Variants in LINGO2 observed in about 807,000 individuals in gnomAD.
LINGO2 encodes leucine-rich repeat and immunoglobulin-like domain-containing nogo receptor-interacting protein 2.
Under a neutral mutation model 30.6 loss-of-function variants are expected in LINGO2, and 14 were observed. The observed-to-expected ratio is 0.46, with a 90% confidence interval of 0.30 to 0.72. LINGO2 has a LOEUF of 0.72. LINGO2 is among the 30% of genes least tolerant of loss of function. The pLI, the probability that LINGO2 is intolerant of heterozygous loss-of-function variation, is 0.07. For missense variants in LINGO2, 729 were observed against 751.7 expected (o/e 0.97, Z 0.35); for synonymous variants, 317 against 288.5 (o/e 1.10, Z -1.00).
intron 2 of LINGO2, among the ~76,000 whole-genome samples, chr9:28,462,062 G>A (rs943710479): frequency 6.6e-5 from 10 of 151,964 alleles, no homozygotes; most frequent in African/African-American, 2.2e-4. Flanking sequence ...CTAATGTTAT[G>A]TCTTATCTCA....
At chr9:28,296,731 T>C (rs1041327167) in intron 3 of LINGO2, among the ~76,000 whole-genome samples, 3 of 152,170 alleles carry the variant, frequency 2.0e-5, no homozygotes, top group Non-Finnish European at 4.4e-5. Context: ...ATGACAATAC[T>C]GCAATTCAAA....
At position 28,270,224 on chromosome 9, in the gene LINGO2, G is replaced by A. The variant is rs10968425; in HGVS notation, c.-87+24984C>T. On this transcript the variant is annotated intron_variant, in intron 4 of 5. Transcript: ENST00000379992. ...AAGCATTTTATTTGAATACCAAAGA[G>A]CCCTTTCCCCTTCAGTCAGCCTGTG... Among the ~76,000 whole-genome samples the A allele has an allele frequency of 0.016, 2,405 of 152,112 alleles. 134 individuals are homozygous for A. In the East Asian group the frequency reaches 0.18, roughly 11 times the overall value.
intron 4 of LINGO2, among the ~76,000 whole-genome samples, chr9:28,044,731 T>A (rs1294832198): frequency 3.3e-5 from 5 of 151,910 alleles, no homozygotes; most frequent in Non-Finnish European, 7.4e-5. Context: ...AAGTCCAAAC[T>A]GGAAGGGAAG....
chr9:28,307,643 C>T (rs1015411585), intron 3 of LINGO2, among the ~76,000 whole-genome samples: 1 of 152,042 alleles, frequency 6.6e-6, no homozygotes, highest in Non-Finnish European at 1.5e-5. Context: ...TCAAATTGTC[C>T]CTGTTTGCAG....
At chr9:28,491,048 C>T (rs977106747) in intron 1 of LINGO2, among the ~76,000 whole-genome samples, 1 of 152,166 alleles carries the variant, frequency 6.6e-6, no homozygotes, top group Non-Finnish European at 1.5e-5. Context: ...CAGTGGTTAA[C>T]TTTGGAAAAG....
rs531625449 is a variant in LINGO2 at position 28,476,219 on chromosome 9, T to C, written c.-364-194A>G. On this transcript the variant is annotated intron_variant, in intron 1 of 5. Transcript: ENST00000379992. The stretch of plus-strand genomic sequence containing the variant: ...CATTTTGAAGTTAAGAATATTGTTA[T>C]GTTTATCTGCAATCCACGGAACATA... Among the ~76,000 whole-genome samples, 5 of 152,342 alleles carry C rather than the reference T, an allele frequency of 3.3e-5. No homozygotes were observed. The South Asian group carries it at 1.0e-3, about 32-fold the overall frequency.
At chr9:29,152,380 A>G in the LINGO2 span, among the ~76,000 whole-genome samples, 1 of 152,206 alleles carries the variant, frequency 6.6e-6, no homozygotes, top group Non-Finnish European at 1.5e-5. Context: ...TTGCAGCACT[A>G]TTCACAATAG....
the LINGO2 span, among the ~76,000 whole-genome samples, chr9:28,677,984 G>A: frequency 6.6e-6 from 1 of 151,610 alleles, no homozygotes; most frequent in African/African-American, 2.4e-5. Flanking sequence ...ACTCCAAGCT[G>A]TTACCTTTCT....
chr9:28,894,895 GAAC>G, the LINGO2 span, among the ~76,000 whole-genome samples: 1 of 151,948 alleles, frequency 6.6e-6, no homozygotes, highest in African/African-American at 2.4e-5. Flanking sequence ...GTAATTTCAA[GAAC>G]AAAACACAGT....
At chr9:28,670,667 G>C (rs1263354978), upstream of LINGO2, among the ~76,000 whole-genome samples, 1 of 152,078 alleles carries the variant, frequency 6.6e-6, no homozygotes, top group Non-Finnish European at 1.5e-5. Context: ...AGAGGGTTTA[G>C]CTTTTACCAC....
chr9:28,534,697 A>G (rs894135115), intron 1 of LINGO2, among the ~76,000 whole-genome samples: 2 of 152,178 alleles, frequency 1.3e-5, no homozygotes, highest in Non-Finnish European at 2.9e-5. Context: ...AAGAAAAGCC[A>G]TTAAAATTAT....
chr9:28,992,182 A>C, the LINGO2 span, among the ~76,000 whole-genome samples: 66 of 151,454 alleles, frequency 4.4e-4, no homozygotes, highest in African/African-American at 1.3e-3. Flanking sequence ...TCTACCAAGC[A>C]AATGGAAAAC....
At chr9:28,593,770 G>A (rs187692044) in intron 1 of LINGO2, among the ~76,000 whole-genome samples, 43 of 152,164 alleles carry the variant, frequency 2.8e-4, no homozygotes, top group African/African-American at 8.2e-4. Flanking sequence ...ACTGCAATGT[G>A]CTTTCACTTC....
chr9:28,632,867 TATATATATATATGTAGAG>T (rs1827052939), intron 1 of LINGO2, among the ~76,000 whole-genome samples: 5 of 109,146 alleles, frequency 4.6e-5, no homozygotes, highest in Non-Finnish European at 7.0e-5. Context: ...TATATATATA[TATATATATATATGTAGAG>T]AGAGAGAGAG....
chr9:28,589,995 A>G (rs983720697), intron 1 of LINGO2, among the ~76,000 whole-genome samples: 1 of 152,184 alleles, frequency 6.6e-6, no homozygotes, highest in African/African-American at 2.4e-5. Context: ...CTCAGAGATA[A>G]TGCTGCATAT....
chr9:29,005,972 T>C, the LINGO2 span, among the ~76,000 whole-genome samples: 4 of 152,092 alleles, frequency 2.6e-5, no homozygotes, highest in South Asian at 8.3e-4. Flanking sequence ...TAGCTGACTG[T>C]AATCAATTTT....
At chr9:28,526,075 A>AAAAAAAAAAAAAAAAAAC (rs1821025082) in intron 1 of LINGO2, among the ~76,000 whole-genome samples, 1 of 150,452 alleles carries the variant, frequency 6.6e-6, no homozygotes, top group Non-Finnish European at 1.5e-5. Flanking sequence ...AAAAAAAAAA[A>AAAAAAAAAAAAAAAAAAC]AGCCATTGAG....
chr9:28,864,798 AG>A, the LINGO2 span, among the ~76,000 whole-genome samples: 1 of 152,166 alleles, frequency 6.6e-6, no homozygotes, highest in South Asian at 2.1e-4. Flanking sequence ...AAAAATTTGT[AG>A]AAAATATGTA....
chr9:28,195,343 T>A (rs10968381), intron 4 of LINGO2, among the ~76,000 whole-genome samples: 26,426 of 148,374 alleles, frequency 0.18, 2,657 homozygotes, highest in Middle Eastern at 0.27. Context: ...TGGAACTCAT[T>A]AAAAAAATTC....
Sources: allele counts gnomAD v4.1 joint callset (sites outside exome capture counted in the v4.1 genomes callset), GRCh38; gene constraint gnomAD v4.1.1; transcripts MANE v1.5; gene names NCBI Gene and HGNC (gene_info 2026-07-23, HGNC 2026-07-21).